Variants in GFPT1 observed in about 807,000 individuals in gnomAD.
GFPT1 encodes the protein glutamine--fructose-6-phosphate transaminase 1, also known as glutamine--fructose-6-phosphate aminotransferase [isomerizing] 1.
GFPT1 carries 40 observed loss-of-function variants against 92.0 expected under a neutral mutation model. That is an observed-to-expected ratio of 0.43 (90% confidence interval 0.34 to 0.57). GFPT1 has a LOEUF of 0.57. Ranked by LOEUF, GFPT1 falls within the 20% of genes least tolerant of loss-of-function variation. GFPT1 has a pLI of 0.02. For synonymous variants in GFPT1, 269 were observed against 280.6 expected, an observed-to-expected ratio of 0.96 and a Z score of 0.41; for missense variants, 448 against 869.1, an observed-to-expected ratio of 0.52 and a Z score of 6.09.
chr2:69,359,595 T>C (rs574424119), intron 4 of GFPT1, among the ~76,000 whole-genome samples: 121 of 152,268 alleles, frequency 7.9e-4, no homozygotes, highest in Non-Finnish European at 1.4e-3. Context: ...GAGATAACAA[T>C]TTCAGTTGTG....
At chr2:69,357,518 C>CTT (rs1671367849) in intron 6 of GFPT1, among the ~76,000 whole-genome samples, 1 of 152,192 alleles carries the variant, frequency 6.6e-6, no homozygotes. Flanking sequence ...GGAAGGCACA[C>CTT]TACTCCACTC....
At chr2:69,329,889 C>T (rs1670619643) in intron 15 of GFPT1, 91 bp from the exon 16 acceptor site, 4 of 786,836 alleles carry the variant, frequency 5.1e-6, no homozygotes, top group Non-Finnish European at 6.9e-6. Flanking sequence ...AATAAAATTC[C>T]CATTGGTTTT....
At chr2:69,334,727 T>C (rs1670750949) in intron 15 of GFPT1, 1 of 152,194 alleles carries the variant, frequency 6.6e-6, no homozygotes, top group Admixed American at 6.5e-5. Context: ...TGAAAGAAGC[T>C]AGACACACAA....
intron 9 of GFPT1, among the ~76,000 whole-genome samples, chr2:69,351,355 A>T (rs1671202517): frequency 6.6e-6 from 1 of 152,230 alleles, no homozygotes; most frequent in Admixed American, 6.5e-5. Context: ...GACTACATAA[A>T]TGTCCTAGAG....
At chr2:69,332,801 C>T (rs564319970) in intron 15 of GFPT1, among the ~76,000 whole-genome samples, 8 of 151,934 alleles carry the variant, frequency 5.3e-5, no homozygotes, top group African/African-American at 9.7e-5. Flanking sequence ...TGTGCGCGCG[C>T]GGATTATATG....
chr2:69,384,685 C>T (rs1280840694), intron 1 of GFPT1, among the ~76,000 whole-genome samples: 2 of 97,540 alleles, frequency 2.1e-5, no homozygotes, highest in East Asian at 4.9e-4. Flanking sequence ...CAGAGAGAGG[C>T]CCCGTCACAA....
Position 69,328,327 on chromosome 2 carries a change from T to G in GFPT1, c.1837A>C (p.Arg613=), listed in dbSNP as rs766622631. 6.2e-7 allele frequency: 1 copy of G among 1,613,402 alleles called. No individual in the cohort carries two copies. The highest frequency in any genetic ancestry group is 8.5e-7 in the Non-Finnish European group (1 of 1,179,370). Residue 613 remains arginine (R), a synonymous_variant, in exon 18 of 20, where the codon AGA becomes CGA. Coordinates refer to ENST00000357308, the MANE Select transcript of GFPT1 (RefSeq NM_001244710.2). ...TGACACTTGGCATAAGTGTGATCTC[T>G]CATGATGATCATGATCACAGGCATC... ...KLMPVIMIIM[R]DHTYAKCQNA...
intron 15 of GFPT1, among the ~76,000 whole-genome samples, chr2:69,331,588 A>C (rs1421025880): frequency 4.6e-5 from 7 of 152,114 alleles, no homozygotes; most frequent in Admixed American, 3.9e-4. Context: ...CAAGGGTTTT[A>C]ATATAATTTA....
At chr2:69,369,195 G>A (rs1213212962) in intron 3 of GFPT1, among the ~76,000 whole-genome samples, 2 of 149,122 alleles carry the variant, frequency 1.3e-5, no homozygotes, top group African/African-American at 2.4e-5. Flanking sequence ...AATAAGTATT[G>A]ATTTAATTCG....
intron 3 of GFPT1, among the ~76,000 whole-genome samples, chr2:69,365,295 T>C (rs1017725928): frequency 6.6e-6 from 1 of 151,962 alleles, no homozygotes; most frequent in Non-Finnish European, 1.5e-5. Flanking sequence ...CTGGCCAACA[T>C]GGTGAAACCC....
chr2:69,368,537 G>C (rs1671665213), intron 3 of GFPT1, among the ~76,000 whole-genome samples: 1 of 152,150 alleles, frequency 6.6e-6, no homozygotes, highest in Non-Finnish European at 1.5e-5. Context: ...AGACCAGCCT[G>C]GCCAATATGG....
intron 13 of GFPT1, among the ~76,000 whole-genome samples, chr2:69,341,501 G>A (rs1670951392): frequency 6.6e-6 from 1 of 152,098 alleles, no homozygotes; most frequent in Non-Finnish European, 1.5e-5. Context: ...AATCCTAAAA[G>A]CAGAAATTGA....
At chr2:69,366,364 T>C (rs899215817) in intron 3 of GFPT1, among the ~76,000 whole-genome samples, 6 of 152,228 alleles carry the variant, frequency 3.9e-5, no homozygotes, top group African/African-American at 1.2e-4. Context: ...ATCATGACTT[T>C]GAATCCTTGA....
intron 13 of GFPT1, among the ~76,000 whole-genome samples, chr2:69,338,769 A>C (rs1244641617): frequency 6.6e-6 from 1 of 151,248 alleles, no homozygotes; most frequent in African/African-American, 2.4e-5. Context: ...TTTTACTATC[A>C]GTCTCTTTAG....
At chr2:69,383,866 G>T (rs1024969561) in intron 1 of GFPT1, among the ~76,000 whole-genome samples, 1 of 152,178 alleles carries the variant, frequency 6.6e-6, no homozygotes, top group African/African-American at 2.4e-5. Flanking sequence ...GACCTCAGGT[G>T]ATCCACCCAC....
chr2:69,357,929 T>C (rs1671379298), intron 6 of GFPT1, among the ~76,000 whole-genome samples: 1 of 152,156 alleles, frequency 6.6e-6, no homozygotes. Context: ...CTGTGGTAGC[T>C]GTGAAGCTAC....
chr2:69,327,989 C>T (rs940840803), intron 18 of GFPT1, among the ~76,000 whole-genome samples: 1 of 149,738 alleles, frequency 6.7e-6, no homozygotes, highest in African/African-American at 2.5e-5. Flanking sequence ...ATCCCAGCTA[C>T]TTGGGAGGCT....
intron 5 of GFPT1, 92 bp from the exon 6 acceptor site, chr2:69,358,555 A>G (rs1671397485): frequency 2.3e-6 from 2 of 861,132 alleles, no homozygotes; most frequent in African/African-American, 1.7e-5. Flanking sequence ...AATGCCACTA[A>G]TTTCTAATAT....
At chr2:69,338,154 C>T (rs1240165665) in intron 14 of GFPT1, 99 bp from the exon 15 acceptor site, 1 of 1,072,094 alleles carries the variant, frequency 9.3e-7, no homozygotes, top group Non-Finnish European at 1.5e-6. Flanking sequence ...AACAATATTA[C>T]TTGTTTTAAA....
Sources: allele counts gnomAD v4.1 joint callset (sites outside exome capture counted in the v4.1 genomes callset), GRCh38; gene constraint gnomAD v4.1.1; transcripts MANE v1.5; gene names NCBI Gene and HGNC (gene_info 2026-07-23, HGNC 2026-07-21).